Variants in NCOA6 observed in about 807,000 individuals in gnomAD.
The protein encoded by NCOA6 is nuclear receptor coactivator 6.
NCOA6 carries 49 observed loss-of-function variants against 171.4 expected under a neutral mutation model. The observed-to-expected ratio is 0.29, with a 90% CI of 0.23 to 0.36. The LOEUF is 0.36. Among genes scored for constraint, NCOA6 ranks in the 10% least tolerant of loss-of-function variants. The pLI is 1.00. For missense variants in NCOA6, 2,248 were observed against 2,554.5 expected, an observed-to-expected ratio of 0.88 and a Z score of 2.59; for synonymous variants, 910 against 927.5, an observed-to-expected ratio of 0.98 and a Z score of 0.34.
intron 13 of NCOA6, among the ~76,000 whole-genome samples, chr20:34,729,895 G>A (rs181516859): frequency 1.6e-4 from 25 of 152,140 alleles, no homozygotes; most frequent in South Asian, 8.3e-4. Flanking sequence ...ACAGCCGCCC[G>A]ACACCCAACC....
At chr20:34,733,075 A>G (rs2075836780) in intron 12 of NCOA6, 1 of 153,296 alleles carries the variant, frequency 6.5e-6, no homozygotes, top group Non-Finnish European at 1.5e-5. Context: ...TTGCTTTCAG[A>G]TATTGCCTTT....
chr20:34,812,536 A>C (rs2078701209), intron 1 of NCOA6, among the ~76,000 whole-genome samples: 1 of 152,176 alleles, frequency 6.6e-6, no homozygotes, highest in Non-Finnish European at 1.5e-5. Context: ...TTAGTAAAAC[A>C]TGAAACTTGA....
In NCOA6 at chr20:34,743,087, G is replaced by C. The variant is rs771970025; in HGVS notation, c.3169C>G (p.Pro1057Ala). Residue 1057 changes from proline to alanine, a missense_variant, in exon 11 of 15, where the codon CCA (proline) becomes GCA (alanine). Coordinates refer to ENST00000359003, the MANE Select transcript of NCOA6 (RefSeq NM_014071.5). Reference sequence around the variant, plus strand: ...GAGTCGGGGTTCAGGGGGCCCCTTGGAGGATGGACATTTTGAGAGACTGGA... The same window carrying C: ...GAGTCGGGGTTCAGGGGGCCCCTTGCAGGATGGACATTTTGAGAGACTGGA... ...RLPVSQNVHP[P>A]RGPLNPDSQR... is the part of the protein sequence containing the mutation. The C allele has an allele frequency of 1.2e-6, 2 of 1,613,562 alleles. No homozygotes were observed. Among genetic ancestry groups the C allele is most frequent in the South Asian group, 2.2e-5 (2 of 90,998 alleles).
chr20:34,817,795 T>C (rs919293248), intron 1 of NCOA6, among the ~76,000 whole-genome samples: 1 of 152,146 alleles, frequency 6.6e-6, no homozygotes, highest in Non-Finnish European at 1.5e-5. Context: ...GAGAGTAAAC[T>C]AGCTCCATAT....
intron 10 of NCOA6, among the ~76,000 whole-genome samples, chr20:34,745,509 G>A (rs2145632628): frequency 6.6e-6 from 1 of 152,286 alleles, no homozygotes; most frequent in East Asian, 1.9e-4. Context: ...AGTGTGATAT[G>A]CCCAAATAAT....
Position 34,741,191 on chromosome 20 carries a change from G to C in NCOA6, c.5065C>G (p.Leu1689Val), listed in dbSNP as rs766409894. 29 of 1,614,124 alleles carry C rather than the reference G, an allele frequency of 1.8e-5. No individual in the cohort carries two copies. The Admixed American group carries it at 4.8e-4, about 27-fold the overall frequency. Residue 1689 changes from leucine to valine, a missense_variant, in exon 11 of 15, where the codon CTG (leucine) becomes GTG (valine). Leu to Val is a conservative substitution (Grantham distance 32, BLOSUM62 1). Coordinates refer to ENST00000359003, the MANE Select transcript of NCOA6 (RefSeq NM_014071.5). ...ACAACTGCAACAGAGGGAGGCATCAGGCCAGAGTTGGTTGTCAGTGGGGCT... is the reference window on the plus strand; with the variant it reads ...ACAACTGCAACAGAGGGAGGCATCACGCCAGAGTTGGTTGTCAGTGGGGCT... Reference protein sequence around the residue: ...PAAPLTTNSGLMPPSVAVVGP... With the variant: ...PAAPLTTNSGVMPPSVAVVGP...
At chr20:34,775,305 GGTGTGTGTGTGT>G (rs112658298) in intron 4 of NCOA6, among the ~76,000 whole-genome samples, 1 of 148,252 alleles carries the variant, frequency 6.7e-6, no homozygotes, top group Admixed American at 6.7e-5. Context: ...TAGGGGTGTA[GGTGTGTGTGTGT>G]GTGTGTGTGT....
In NCOA6 at chr20:34,740,562, A is replaced by G. The variant is rs1466721372; in HGVS notation, c.5694T>C (p.Thr1898=). ...CAGGTAAGCTGGGTCCTGCTGAGGCAGTGCCCGGGCCCACAGGGCTAGAGG... is the reference window on the plus strand; with the variant it reads ...CAGGTAAGCTGGGTCCTGCTGAGGCGGTGCCCGGGCCCACAGGGCTAGAGG... The part of the protein sequence containing the change: ...KMTSSPVGPG[T]ASAGPSLPGG... Residue 1898 remains threonine, a synonymous_variant, in exon 11 of 15, where the codon ACT becomes ACC. Coordinates refer to ENST00000359003, the MANE Select transcript of NCOA6 (RefSeq NM_014071.5). 1 of 1,614,056 alleles carries G rather than the reference A, an allele frequency of 6.2e-7. No homozygotes were observed.
intron 8 of NCOA6, among the ~76,000 whole-genome samples, chr20:34,754,003 G>A (rs910688211): frequency 3.3e-5 from 5 of 152,166 alleles, no homozygotes; most frequent in African/African-American, 1.2e-4. Context: ...ATACATTACT[G>A]CTTTGCAAAT....
Position 34,775,170 on chromosome 20 carries a change from TA to T in NCOA6, c.391+1122del, listed in dbSNP as rs569821532. On this transcript the variant is annotated intron_variant, in intron 4 of 14. Transcript: ENST00000359003. ...GGCAAGGGAGGAAAGTTACACAAGA[TA>T]AGGCTGGATGAGGAAGGTAGAGGTG... 1.1e-4 allele frequency among the ~76,000 whole-genome samples: 17 copies of T among 152,104 alleles called. No homozygotes were observed. The South Asian group carries it at 3.5e-3, about 32-fold the overall frequency.
rs1473126371 is a variant in NCOA6, at chr20:34,727,285, G to A, written c.6122C>T (p.Pro2041Leu). 14 of 1,614,210 alleles carry A rather than the reference G, an allele frequency of 8.7e-6. No homozygotes were observed. The highest frequency in any genetic ancestry group is 1.2e-5 in the Non-Finnish European group (14 of 1,180,026). Residue 2041 changes from proline to leucine, a missense_variant, in exon 14 of 15, where the codon CCT becomes CTT. Coordinates refer to ENST00000359003, the MANE Select transcript of NCOA6 (RefSeq NM_014071.5). ...ENGHRKRSSR[P>L]ASASSSTKDI... Reference sequence around the variant, plus strand: ...TTTAGTAGAGCTGGAGGCTGAAGCAGGTCGAGAAGATCGTTTACGATGTCC... The same window carrying A: ...TTTAGTAGAGCTGGAGGCTGAAGCAAGTCGAGAAGATCGTTTACGATGTCC...
At chr20:34,749,294 G>C in intron 9 of NCOA6, 109 bp downstream of exon 9, 1 of 1,258,940 alleles carries the variant, frequency 7.9e-7, no homozygotes, top group Non-Finnish European at 1.1e-6. Flanking sequence ...GAAGCAGGGG[G>C]ATTTCATTAT....
At chr20:34,721,219 T>C (rs1242797313) in intron 14 of NCOA6, among the ~76,000 whole-genome samples, 1 of 110,414 alleles carries the variant, frequency 9.1e-6, no homozygotes, top group Non-Finnish European at 1.7e-5. Context: ...CTATCTCCCC[T>C]TCCCCTTCTT....
chr20:34,775,010 G>A (rs1343966570), intron 4 of NCOA6, among the ~76,000 whole-genome samples: 1 of 152,200 alleles, frequency 6.6e-6, no homozygotes, highest in East Asian at 1.9e-4. Flanking sequence ...CAAGATTTAA[G>A]CTGATACTTG....
chr20:34,743,333 A>G lies in NCOA6; in HGVS notation c.2923T>C (p.Ser975Pro), dbSNP rs1385644439. 36 of 1,602,180 alleles carry G rather than the reference A, an allele frequency of 2.2e-5. No individual in the cohort carries two copies. The highest frequency in any genetic ancestry group is 3.0e-5 in the Non-Finnish European group (35 of 1,171,832). ...EFSNRPPGYPSQPVEQRPLQQ... is the reference protein window; with the variant it reads ...EFSNRPPGYPPQPVEQRPLQQ... Reference sequence around the variant, plus strand: ...AGTGGCCTCTGTTCAACTGGTTGAGAAGGATAACCTAAAACAAGCCCCCCA... The same window carrying G: ...AGTGGCCTCTGTTCAACTGGTTGAGGAGGATAACCTAAAACAAGCCCCCCA... The change falls in exon 11 of 15, where the codon TCT (serine) becomes CCT (proline). Residue 975 changes from serine to proline, a missense_variant. Ser to Pro is a moderately conservative substitution (Grantham distance 74, BLOSUM62 -1). Around this residue, in one of 7 missense-constraint regions of NCOA6, gnomAD observed 352 missense variants for 419.1 expected, o/e 0.84. Transcript: ENST00000359003.
At chr20:34,744,180 ATAAG>A (rs1410675847) in intron 10 of NCOA6, among the ~76,000 whole-genome samples, 3 of 152,236 alleles carry the variant, frequency 2.0e-5, no homozygotes, top group Non-Finnish European at 4.4e-5. Context: ...CAGCTGGAGA[ATAAG>A]TAAGGCAGAA....
In NCOA6 at chr20:34,757,869, T is replaced by C; in HGVS notation, c.879A>G (p.Gln293=). The change falls in exon 7 of 15, where the codon CAA becomes CAG. Residue 293 remains glutamine (Q), a synonymous_variant. Coordinates refer to ENST00000359003, the MANE Select transcript of NCOA6 (RefSeq NM_014071.5). ...TTCCCTGTGGCTGTTGCTGCTGATG[T>C]TGCTGTGGGGGTCTTGCCTGCAACT... ...QQQLQARPPQ[Q]HQQQQPQGIR... The C allele has an allele frequency of 6.2e-7, 1 of 1,613,960 alleles. No individual in the cohort carries two copies. Among genetic ancestry groups the C allele is most frequent in the Non-Finnish European group, 8.5e-7 (1 of 1,179,978 alleles).
At chr20:34,724,322 T>C (rs1989713325) in intron 14 of NCOA6, among the ~76,000 whole-genome samples, 1 of 152,212 alleles carries the variant, frequency 6.6e-6, no homozygotes, top group Admixed American at 6.5e-5. Flanking sequence ...TAACTGTATA[T>C]GACCTCTGGC....
At position 34,749,351 on chromosome 20, in the gene NCOA6, T is replaced by C. The variant is rs540602582; in HGVS notation, c.2792+52A>G. 15 of 1,533,450 alleles carry C rather than the reference T, an allele frequency of 9.8e-6. 1 individual carries two copies. The highest frequency in any genetic ancestry group is 9.1e-5 in the South Asian group (7 of 77,020). The allele number at this position is 1,533,450 out of a possible 1,614,324, so 95.0% of individuals were successfully genotyped here. On this transcript the variant is annotated intron_variant, in intron 9 of 14. Coordinates refer to ENST00000359003, the MANE Select transcript of NCOA6 (RefSeq NM_014071.5). ...GTAAAATTTTCCATCAAAAAAGTTA[T>C]CCACACAGAAAACAAATGAATAAAA...
Sources: allele counts gnomAD v4.1 joint callset (sites outside exome capture counted in the v4.1 genomes callset), GRCh38; gene constraint gnomAD v4.1.1; regional missense constraint gnomAD v4.1.1; transcripts MANE v1.5; gene names NCBI Gene and HGNC (gene_info 2026-07-23, HGNC 2026-07-21).